CYTH3: variants seen among roughly 807,000 people sequenced by gnomAD.
CYTH3 encodes the protein cytohesin 3.
A neutral mutation model predicts 55.1 loss-of-function variants in CYTH3; 23 were observed. The observed-to-expected ratio is 0.42, with a 90% CI of 0.30 to 0.59. The LOEUF (loss-of-function observed/expected upper bound fraction) is 0.59. CYTH3 is among the 20% of genes least tolerant of loss of function. The pLI, the probability that CYTH3 is intolerant of heterozygous loss-of-function variation, is 0.20. For synonymous variants in CYTH3, 249 were observed against 194.9 expected (o/e 1.28, Z -2.31); for missense variants, 413 against 524.8 (o/e 0.79, Z 2.08).
intron 1 of CYTH3, among the ~76,000 whole-genome samples, chr7:6,197,090 G>A (rs1476316516): frequency 6.6e-6 from 1 of 152,168 alleles, no homozygotes; most frequent in Non-Finnish European, 1.5e-5. Context: ...ACACCAGAAT[G>A]ATTTAACTCT....
chr7:6,187,769 C>T, intron 2 of CYTH3, 48 bp from the exon 3 acceptor site: 2 of 1,501,800 alleles, frequency 1.3e-6, no homozygotes, highest in East Asian at 2.3e-5. Flanking sequence ...CTTAACCTTC[C>T]TCCCCTGAGA....
chr7:6,187,679 TGTC>T lies in CYTH3; in HGVS notation c.157_159del (p.Asp53del), dbSNP rs1562886417. On this transcript the variant is annotated inframe_deletion, in exon 3 of 13. Transcript: ENST00000350796. ...TACCTCTCCTCTACGGAAGTTAGATTGTCGATCTCTGTCATCACCTCTGCAATT... is the reference window on the plus strand; with the variant it reads ...TACCTCTCCTCTACGGAAGTTAGATTGATCTCTGTCATCACCTCTGCAATT... 1 of 1,614,126 alleles carries T rather than the reference TGTC, an allele frequency of 6.2e-7. No homozygotes were observed. The highest frequency in any genetic ancestry group is 8.5e-7 in the Non-Finnish European group (1 of 1,179,970).
chr7:6,171,377 C>T lies in CYTH3; in HGVS notation c.450-63G>A, dbSNP rs965819654. On this transcript the variant is annotated intron_variant, in intron 6 of 12. Coordinates refer to ENST00000350796, the MANE Select transcript of CYTH3 (RefSeq NM_004227.4). The surrounding 1 kb of genome is among the most constrained non-coding windows in gnomAD (Gnocchi z 6.7). ...ACCAACACCGCCTCACGGCCAAGGGCGGCTTCTGCCCAGCTCAGGAAGGAC... is the reference window on the plus strand; with the variant it reads ...ACCAACACCGCCTCACGGCCAAGGGTGGCTTCTGCCCAGCTCAGGAAGGAC... 243 of 1,512,190 alleles carry T rather than the reference C, an allele frequency of 1.6e-4. No individual in the cohort carries two copies. Among genetic ancestry groups the T allele is most frequent in the Middle Eastern group, 6.8e-4 (4 of 5,896 alleles). The allele number at this position is 1,512,190 out of a possible 1,614,324, so 93.7% of individuals were successfully genotyped here.
chr7:6,180,921 G>A (rs1048796078), intron 4 of CYTH3, among the ~76,000 whole-genome samples: 1 of 151,902 alleles, frequency 6.6e-6, no homozygotes, highest in Non-Finnish European at 1.5e-5. Context: ...TCAAATCTAC[G>A]GTGAGCACTG....
Position 6,171,024 on chromosome 7 carries a change from A to T in CYTH3, c.563-46T>A. ...TGGGCTCAGCCAGAACCTCCAGTGG[A>T]CAGTGGGACCCCGCGTGCTGGGGGC... is the stretch of plus-strand genomic sequence containing the variant. On this transcript the variant is annotated intron_variant, in intron 7 of 12. Coordinates refer to ENST00000350796, the MANE Select transcript of CYTH3 (RefSeq NM_004227.4). The surrounding 1 kb of genome is among the most constrained non-coding windows in gnomAD (Gnocchi z 6.7). 2 of 1,610,622 alleles carry T rather than the reference A, an allele frequency of 1.2e-6. No individual in the cohort carries two copies. The highest frequency in any genetic ancestry group is 2.7e-5 in the African/African-American group (2 of 74,994).
chr7:6,248,312 A>G (rs11973659), intron 1 of CYTH3, among the ~76,000 whole-genome samples: 14,060 of 132,410 alleles, frequency 0.11, 1,723 homozygotes, highest in African/African-American at 0.31. Flanking sequence ...GTGGGTTTTT[A>G]TTGTTGCTGT....
chr7:6,216,212 G>C (rs1350386264), intron 1 of CYTH3, among the ~76,000 whole-genome samples: 1 of 152,096 alleles, frequency 6.6e-6, no homozygotes, highest in Non-Finnish European at 1.5e-5. Context: ...AACACCATCT[G>C]ATGTAGTTCT....
At chr7:6,197,497 A>C (rs1783962218) in intron 1 of CYTH3, among the ~76,000 whole-genome samples, 1 of 152,204 alleles carries the variant, frequency 6.6e-6, no homozygotes, top group South Asian at 2.1e-4. Context: ...AGCCTGGCCA[A>C]TATGATGAAA....
chr7:6,237,922 A>G (rs1248106029), intron 1 of CYTH3, among the ~76,000 whole-genome samples: 1 of 152,212 alleles, frequency 6.6e-6, no homozygotes, highest in Non-Finnish European at 1.5e-5. Context: ...CACGTGTGCA[A>G]GTATCATCCT....
intron 9 of CYTH3, among the ~76,000 whole-genome samples, chr7:6,168,007 G>A (rs760558564): frequency 1.3e-5 from 2 of 152,142 alleles, no homozygotes; most frequent in Non-Finnish European, 1.5e-5. Flanking sequence ...TCTCAGAGCC[G>A]AGCAGGCTCT....
rs1002205659 is a variant in CYTH3, at chr7:6,170,896, T to A, written c.645A>T (p.Ala215=). The A allele has an allele frequency of 6.2e-7, 1 of 1,613,860 alleles. No individual in the cohort carries two copies. Among genetic ancestry groups the A allele is most frequent in the African/African-American group, 1.3e-5 (1 of 74,934 alleles). Residue 215 remains alanine (A), a synonymous_variant, in exon 8 of 13, where the codon GCA becomes GCT. Transcript: ENST00000350796. This position sits in a 1 kb window ranked among gnomAD's most constrained non-coding sequence, Gnocchi z 7.8. The stretch of plus-strand genomic sequence containing the variant: ...CGCGGTTCATGGCGATGAACCGTTC[T>A]GCCGTGGGCTTGTCACGCACGTTGT... ...HNHNVRDKPT[A]ERFIAMNRGI... is the part of the protein sequence containing the mutation.
chr7:6,164,768 A>G lies in CYTH3; in HGVS notation c.*176T>C, dbSNP rs538932640. 9.6e-6 allele frequency: 7 copies of G among 726,326 alleles called. No individual in the cohort carries two copies. Among genetic ancestry groups the G allele is most frequent in the African/African-American group, 8.8e-5 (5 of 56,680 alleles). The allele number at this position is 726,326 out of a possible 1,614,324, so 45.0% of individuals were successfully genotyped here. A position where few individuals can be genotyped will look rare whatever the true frequency, so the allele number is the denominator to read the frequency against. Reference sequence around the variant, plus strand: ...TTGCACTGCAGGGCGACCACCTCCCAGGACCCCAGCCACGGCACGAGGCCT... The same window carrying G: ...TTGCACTGCAGGGCGACCACCTCCCGGGACCCCAGCCACGGCACGAGGCCT... On this transcript the variant is annotated 3_prime_UTR_variant, in exon 13 of 13. Coordinates refer to ENST00000350796, the MANE Select transcript of CYTH3 (RefSeq NM_004227.4).
In CYTH3 at chr7:6,170,677, G is replaced by A. The variant is rs367857058; in HGVS notation, c.712-31C>T. 4 of 1,602,610 alleles carry A rather than the reference G, an allele frequency of 2.5e-6. No homozygotes were observed. The highest frequency in any genetic ancestry group is 3.4e-6 in the Non-Finnish European group (4 of 1,173,602). Reference sequence around the variant, plus strand: ...AGGAGGGAAAACAGCAGCCAGTTCAGAGACTCGGAGGAAAATGGCTGGCCG... The same window carrying A: ...AGGAGGGAAAACAGCAGCCAGTTCAAAGACTCGGAGGAAAATGGCTGGCCG... On this transcript the variant is annotated intron_variant, in intron 8 of 12. Transcript: ENST00000350796. This position sits in a 1 kb window ranked among gnomAD's most constrained non-coding sequence, Gnocchi z 7.8.
At chr7:6,227,579 A>C (rs1228202257) in intron 1 of CYTH3, among the ~76,000 whole-genome samples, 1 of 152,226 alleles carries the variant, frequency 6.6e-6, no homozygotes, top group Non-Finnish European at 1.5e-5. Context: ...CAAAACGAGG[A>C]TGCCACTATC....
At chr7:6,215,830 G>A (rs1784413395) in intron 1 of CYTH3, among the ~76,000 whole-genome samples, 2 of 152,146 alleles carry the variant, frequency 1.3e-5, no homozygotes, top group African/African-American at 4.8e-5. Flanking sequence ...CTATAGAGGA[G>A]AAAGATAATT....
intron 1 of CYTH3, among the ~76,000 whole-genome samples, chr7:6,191,362 TCACAG>T (rs1270812340): frequency 1.3e-5 from 2 of 152,132 alleles, no homozygotes; most frequent in African/African-American, 4.8e-5. Context: ...AAAATATGAT[TCACAG>T]CAGAGCTGAC....
chr7:6,181,393 A>G (rs1371928410), intron 4 of CYTH3, among the ~76,000 whole-genome samples: 1 of 152,210 alleles, frequency 6.6e-6, no homozygotes, highest in Non-Finnish European at 1.5e-5. Context: ...GAGTGACAGG[A>G]CAGACAGAAT....
In CYTH3 at chr7:6,170,725, G is replaced by T; in HGVS notation, c.712-79C>A. On this transcript the variant is annotated intron_variant, in intron 8 of 12. Coordinates refer to ENST00000350796, the MANE Select transcript of CYTH3 (RefSeq NM_004227.4). This position sits in a 1 kb window ranked among gnomAD's most constrained non-coding sequence, Gnocchi z 7.8. ...CCGGGCAGAAAGCTCAGCGGGACCAGGGCGGCAAGGAGGCTTGGGAGGCGT... is the reference window on the plus strand; with the variant it reads ...CCGGGCAGAAAGCTCAGCGGGACCATGGCGGCAAGGAGGCTTGGGAGGCGT... 6.4e-7 allele frequency: 1 copy of T among 1,569,132 alleles called. No homozygotes were observed. The highest frequency in any genetic ancestry group is 2.3e-5 in the East Asian group (1 of 43,054).
At chr7:6,200,048 G>A (rs193038941) in intron 1 of CYTH3, among the ~76,000 whole-genome samples, 134 of 152,282 alleles carry the variant, frequency 8.8e-4, no homozygotes, top group Admixed American at 1.6e-3. Context: ...CCCATCAATT[G>A]TAAGATGTAT....
Sources: allele counts gnomAD v4.1 joint callset (sites outside exome capture counted in the v4.1 genomes callset), GRCh38; gene constraint gnomAD v4.1.1; non-coding constraint Gnocchi (gnomAD v3.1); transcripts MANE v1.5; gene names NCBI Gene and HGNC (gene_info 2026-07-23, HGNC 2026-07-21).